Variants in PPP4R4 observed in about 807,000 individuals in gnomAD.
The protein encoded by PPP4R4 is serine/threonine-protein phosphatase 4 regulatory subunit 4.
In PPP4R4, 70 loss-of-function variants were observed where a neutral mutation model predicts 121.8. The observed-to-expected ratio is 0.57, with a 90% CI of 0.47 to 0.70. PPP4R4 has a LOEUF of 0.70. Ranked by LOEUF, PPP4R4 falls within the 30% of genes least tolerant of loss-of-function variation. PPP4R4 has a pLI of 0.00. For missense variants in PPP4R4, 875 were observed against 1,033.6 expected (o/e 0.85, Z 2.10); for synonymous variants, 348 against 355.7 (o/e 0.98, Z 0.24).
intron 2 of PPP4R4, among the ~76,000 whole-genome samples, chr14:94,203,149 T>C (rs995135710): frequency 3.3e-5 from 5 of 152,202 alleles, no homozygotes; most frequent in Non-Finnish European, 7.3e-5. Context: ...TCCATCACCA[T>C]GGGATCTCTC....
chr14:94,226,962 A>G (rs1891740288), intron 3 of PPP4R4, among the ~76,000 whole-genome samples: 2 of 152,152 alleles, frequency 1.3e-5, no homozygotes, highest in African/African-American at 4.8e-5. Context: ...TATCTTCCTG[A>G]TGGATATAAT....
At chr14:94,244,533 T>G in intron 11 of PPP4R4, 102 bp from the exon 12 acceptor site, 1 of 976,678 alleles carries the variant, frequency 1.0e-6, no homozygotes, top group Non-Finnish European at 1.4e-6. Context: ...TGGCTTTATT[T>G]TAGAAGAAAT....
At chr14:94,237,779 C>G in intron 8 of PPP4R4, 93 bp downstream of exon 8, 2 of 1,442,756 alleles carry the variant, frequency 1.4e-6, no homozygotes, top group Non-Finnish European at 1.9e-6. Flanking sequence ...TTTAGAATTT[C>G]CTATGTTAAG....
chr14:94,233,858 C>T (rs1892187161), intron 6 of PPP4R4, 99 bp downstream of exon 6: 3 of 782,398 alleles, frequency 3.8e-6, no homozygotes, highest in Admixed American at 5.6e-5. Context: ...ATACTGCATA[C>T]AAATTTAGTT....
At chr14:94,242,640 A>G (rs1364325180) in intron 11 of PPP4R4, among the ~76,000 whole-genome samples, 1 of 152,150 alleles carries the variant, frequency 6.6e-6, no homozygotes, top group African/African-American at 2.4e-5. Context: ...TTCATTCAGC[A>G]TATCTATACC....
chr14:94,256,530 C>T lies in PPP4R4; in HGVS notation c.1936C>T (p.Gln646Ter). 6.2e-7 allele frequency: 1 copy of T among 1,602,582 alleles called. No homozygotes were observed. The highest frequency in any genetic ancestry group is 8.5e-7 in the Non-Finnish European group (1 of 1,170,210). The change falls in exon 17 of 25, where the codon CAG becomes TAG. Residue 646 changes from glutamine to a stop codon, truncating the protein, a stop_gained. Coordinates refer to ENST00000304338, the MANE Select transcript of PPP4R4 (RefSeq NM_058237.2). LOFTEE classifies it high-confidence loss of function. The stretch of plus-strand genomic sequence containing the variant: ...GATTCCTGCTGATAAGCATCTACTT[C>T]AGCAGTTAGAAATGTGTGTGAGGAA... ...LKIPADKHLLQQLEMCVRKLL... is the reference protein window; with the variant it reads ...LKIPADKHLL
chr14:94,236,490 T>A (rs1193708231), intron 7 of PPP4R4, among the ~76,000 whole-genome samples: 1 of 152,196 alleles, frequency 6.6e-6, no homozygotes, highest in Non-Finnish European at 1.5e-5. Context: ...GTTTGTGAAG[T>A]ACTGGTAATG....
chr14:94,239,453 G>A (rs1163374796), intron 8 of PPP4R4, among the ~76,000 whole-genome samples: 1 of 148,670 alleles, frequency 6.7e-6, no homozygotes, highest in East Asian at 2.0e-4. Context: ...GCGGTGTTTG[G>A]TTTTTTTGTC....
chr14:94,227,901 C>G (rs975930608), intron 3 of PPP4R4: 1 of 978,742 alleles, frequency 1.0e-6, no homozygotes, highest in Non-Finnish European at 1.2e-6. Flanking sequence ...TTTTCCAAAC[C>G]CCAAATTGTT....
At chr14:94,273,508 A>T (rs1271117126) in intron 23 of PPP4R4, among the ~76,000 whole-genome samples, 1 of 152,124 alleles carries the variant, frequency 6.6e-6, no homozygotes, top group Non-Finnish European at 1.5e-5. Flanking sequence ...GGCAGTGAAA[A>T]CACTCTGTAT....
At chr14:94,250,311 A>C in intron 15 of PPP4R4, 34 bp downstream of exon 15, 1 of 1,446,598 alleles carries the variant, frequency 6.9e-7, no homozygotes, top group Non-Finnish European at 9.7e-7. Flanking sequence ...TTGAAAAAGG[A>C]AAGTAAACAA....
intron 3 of PPP4R4, among the ~76,000 whole-genome samples, chr14:94,215,267 G>A (rs550318551): frequency 3.3e-5 from 5 of 152,236 alleles, no homozygotes; most frequent in Admixed American, 2.0e-4. Context: ...ATATTTTATT[G>A]GGAGATTTCT....
At position 94,234,543 on chromosome 14, in the gene PPP4R4, C is replaced by T; in HGVS notation, c.624-19C>T. ...GAAACACTCATTCATTTGCATGTTT[C>T]TTTTCTCCCCACCTTCAGCATTAAG... On this transcript the variant is annotated intron_variant, in intron 6 of 24. Coordinates refer to ENST00000304338, the MANE Select transcript of PPP4R4 (RefSeq NM_058237.2). 6.8e-7 allele frequency: 1 copy of T among 1,464,404 alleles called. No homozygotes were observed. The highest frequency in any genetic ancestry group is 1.4e-5 in the African/African-American group (1 of 71,378). The allele number at this position is 1,464,404 out of a possible 1,614,324, so 90.7% of individuals were successfully genotyped here.
Position 94,275,376 on chromosome 14 carries a change from G to T in PPP4R4, c.2452G>T (p.Asp818Tyr). The T allele has an allele frequency of 6.2e-7, 1 of 1,613,826 alleles. No individual in the cohort carries two copies. The highest frequency in any genetic ancestry group is 8.5e-7 in the Non-Finnish European group (1 of 1,179,794). The change falls in exon 24 of 25, where the codon GAT becomes TAT. Residue 818 changes from aspartate (D) to tyrosine (Y), a missense_variant and splice_region_variant. Transcript: ENST00000304338. ...GACTTTATATGTATTGCTTTCAGAT[G>T]ATTCATTCCGGACTCGTAATGCCAG... ...GKTSVLSLAD[D>Y]SFRTRNASSV...
rs141474530 is a variant in PPP4R4, at chr14:94,188,584, T to TAC, written c.191+12470_191+12471dup. ...TGCCTAATATATATATATGTGTGTA[T>TAC]ACACACACACACACTTATATAAACA... On this transcript the variant is annotated intron_variant, in intron 2 of 24. Transcript: ENST00000304338. Among the ~76,000 whole-genome samples the TAC allele has an allele frequency of 2.2e-3, 330 of 151,862 alleles. 3 individuals are homozygous for TAC. In the South Asian group the frequency reaches 0.029, roughly 13 times the overall value.
At chr14:94,222,251 T>A (rs933033538) in intron 3 of PPP4R4, among the ~76,000 whole-genome samples, 2 of 152,020 alleles carry the variant, frequency 1.3e-5, no homozygotes, top group African/African-American at 2.4e-5. Flanking sequence ...TTTATTTGAA[T>A]TGATTAAGTA....
Position 94,275,813 on chromosome 14 carries a change from T to C in PPP4R4, c.2597+292T>C, listed in dbSNP as rs575070495. Among the ~76,000 whole-genome samples the C allele has an allele frequency of 3.9e-5, 6 of 152,338 alleles. No homozygotes were observed. The East Asian group carries it at 1.2e-3, about 29-fold the overall frequency. ...ATGAAATGTTTACATTTAGGGAATT[T>C]ATCTCTAAGAAGGCATCCCTTTAAA... On this transcript the variant is annotated intron_variant, in intron 24 of 24. Transcript: ENST00000304338.
chr14:94,242,119 A>C (rs1892665863), intron 10 of PPP4R4, among the ~76,000 whole-genome samples, 162 bp downstream of exon 10: 1 of 152,122 alleles, frequency 6.6e-6, no homozygotes, highest in Admixed American at 6.6e-5. Context: ...TTATATCTCT[A>C]CGTATAAATC....
intron 2 of PPP4R4, among the ~76,000 whole-genome samples, chr14:94,201,957 T>TATATATATAAATATATATATAC (rs535853609): frequency 0.011 from 1,663 of 150,706 alleles, 38 homozygotes; most frequent in African/African-American, 0.038. Context: ...TATATATATA[T>TATATATATAAATATATATATAC]ACATATATAT....
Sources: allele counts gnomAD v4.1 joint callset (sites outside exome capture counted in the v4.1 genomes callset), GRCh38; gene constraint gnomAD v4.1.1; transcripts MANE v1.5; gene names NCBI Gene and HGNC (gene_info 2026-07-23, HGNC 2026-07-21).